Variants in MIER3 observed in about 807,000 individuals in gnomAD.
MIER3 encodes the protein MIER family member 3, also known as mesoderm induction early response protein 3.
In MIER3, 9 loss-of-function variants were observed where a neutral mutation model predicts 63.2. The observed-to-expected ratio is 0.14, with a 90% CI of 0.09 to 0.25. The LOEUF is 0.25. Among genes scored for constraint, MIER3 ranks in the 10% least tolerant of loss-of-function variants. The pLI is 1.00. For synonymous variants in MIER3, 205 were observed against 224.9 expected (o/e 0.91, Z 0.79); for missense variants, 512 against 666.2 (o/e 0.77, Z 2.55).
At position 56,923,585 on chromosome 5, in the gene MIER3, G is replaced by A. The variant is rs146260337; in HGVS notation, c.1196C>T (p.Ala399Val). ...LNSFTASDLT[A>V]LTNSVATVCD... ...GACGGTTGCTACACTGTTGGTCAAA[G>A]CTAAAAAGGAATGGAAAATTGTTTA... is the stretch of plus-strand genomic sequence containing the variant. The change falls in exon 13 of 13, where the codon GCT becomes GTT. Residue 399 changes from alanine (A) to valine (V), a missense_variant and splice_region_variant. Physicochemically the swap from Ala to Val is moderately conservative, Grantham distance 64 (BLOSUM62 0). This residue lies in a region of MIER3 where 218 missense variants were observed against 251.2 expected (regional missense o/e 0.87). Transcript: ENST00000381199. The A allele has an allele frequency of 5.8e-4, 936 of 1,611,800 alleles. 7 individuals carry two copies. The highest frequency in any genetic ancestry group is 1.2e-3 in the Middle Eastern group (7 of 6,048).
intron 3 of MIER3, among the ~76,000 whole-genome samples, chr5:56,944,298 C>T (rs946923430): frequency 6.6e-6 from 1 of 151,654 alleles, no homozygotes; most frequent in Non-Finnish European, 1.5e-5. Context: ...GGTGAAACCC[C>T]GTCTCTACTA....
At chr5:56,924,599 A>ACTTG (rs1749868132) in intron 10 of MIER3, among the ~76,000 whole-genome samples, 1 of 152,218 alleles carries the variant, frequency 6.6e-6, no homozygotes, top group Admixed American at 6.5e-5. Flanking sequence ...ATTTAAGATG[A>ACTTG]CTTGCTAGCT....
chr5:56,951,537 G>A (rs1751029982), intron 1 of MIER3, among the ~76,000 whole-genome samples: 1 of 152,130 alleles, frequency 6.6e-6, no homozygotes, highest in Admixed American at 6.5e-5. Flanking sequence ...GCTCTTCTGA[G>A]AAGCCCGGTG....
At chr5:56,941,643 C>T (rs1750650162) in intron 3 of MIER3, 1 of 152,194 alleles carries the variant, frequency 6.6e-6, no homozygotes, top group Admixed American at 6.5e-5. Flanking sequence ...CGCAAAGGGC[C>T]TCAGGGCCAG....
intron 3 of MIER3, among the ~76,000 whole-genome samples, chr5:56,942,480 G>T (rs892239683): frequency 6.6e-6 from 1 of 152,196 alleles, no homozygotes; most frequent in Admixed American, 6.5e-5. Flanking sequence ...TTTCTGGCCT[G>T]AGAAGTTAGG....
chr5:56,944,182 C>G (rs944748820), intron 3 of MIER3, among the ~76,000 whole-genome samples: 4 of 152,056 alleles, frequency 2.6e-5, no homozygotes, highest in Non-Finnish European at 5.9e-5. Flanking sequence ...GTTTAGAAGT[C>G]AACAGTAGGC....
intron 1 of MIER3, among the ~76,000 whole-genome samples, chr5:56,951,000 TC>T (rs1371295537): frequency 6.6e-6 from 1 of 151,328 alleles, no homozygotes; most frequent in Non-Finnish European, 1.5e-5. Context: ...ATCTCCGGAG[TC>T]CTCCAAATCC....
At chr5:56,946,041 G>T (rs10471995) in intron 3 of MIER3, among the ~76,000 whole-genome samples, 3,291 of 152,222 alleles carry the variant, frequency 0.022, 127 homozygotes, top group African/African-American at 0.076. Context: ...ACAGATCAGA[G>T]CAAGTGGGCA....
chr5:56,947,808 T>C (rs547803619), intron 2 of MIER3, among the ~76,000 whole-genome samples: 2 of 152,344 alleles, frequency 1.3e-5, no homozygotes, highest in South Asian at 4.1e-4. Flanking sequence ...GCAAGTTGTT[T>C]TGGATAATTC....
At chr5:56,933,164 A>C in intron 8 of MIER3, 83 bp downstream of exon 8, 1 of 1,353,166 alleles carries the variant, frequency 7.4e-7, no homozygotes, top group African/African-American at 1.5e-5. Flanking sequence ...TCTACCTCAC[A>C]TGTTAAAAAT....
chr5:56,950,072 C>A (rs1327518837), intron 2 of MIER3, among the ~76,000 whole-genome samples: 1 of 152,172 alleles, frequency 6.6e-6, no homozygotes, highest in African/African-American at 2.4e-5. Flanking sequence ...GACCTAAGAT[C>A]GTCTCAGCTC....
chr5:56,931,958 A>T (rs983810421), intron 8 of MIER3, among the ~76,000 whole-genome samples: 12 of 152,308 alleles, frequency 7.9e-5, no homozygotes, highest in African/African-American at 2.4e-4. Context: ...TACATTTTTT[A>T]AAAAATTGAT....
rs1173626206 is a variant in MIER3 at position 56,933,403 on chromosome 5, TA to T, written c.596-6del. 4.4e-6 allele frequency: 7 copies of T among 1,598,496 alleles called. No individual in the cohort carries two copies. The highest frequency in any genetic ancestry group is 2.7e-5 in the African/African-American group (2 of 73,996). On this transcript the variant is annotated splice_region_variant and splice_polypyrimidine_tract_variant and intron_variant, in intron 7 of 12. Coordinates refer to ENST00000381199, the MANE Select transcript of MIER3 (RefSeq NM_001297599.2). ...ACTGGTCTTCGTTTTCATATACTGA[TA>T]AAGAAAATCCCATTAACACATTAAA... is the stretch of plus-strand genomic sequence containing the variant.
At chr5:56,933,490 C>A (rs1009946036) in intron 7 of MIER3, 92 bp from the exon 8 acceptor site, 3 of 1,206,770 alleles carry the variant, frequency 2.5e-6, no homozygotes, top group East Asian at 2.7e-5. Flanking sequence ...ATTGGCTATC[C>A]AGTGGGACAA....
intron 3 of MIER3, chr5:56,940,956 A>C: frequency 2.0e-6 from 2 of 985,250 alleles, no homozygotes; most frequent in Non-Finnish European, 2.4e-6. Flanking sequence ...AGAACCTCAC[A>C]GTTTCACACT....
At chr5:56,943,239 G>C (rs1258307425) in intron 3 of MIER3, among the ~76,000 whole-genome samples, 2 of 151,878 alleles carry the variant, frequency 1.3e-5, no homozygotes, top group Non-Finnish European at 2.9e-5. Flanking sequence ...CTTGAGACTT[G>C]GCTACAAAAG....
At chr5:56,935,234 G>C (rs1315883683) in intron 7 of MIER3, among the ~76,000 whole-genome samples, 194 bp downstream of exon 7, 1 of 152,090 alleles carries the variant, frequency 6.6e-6, no homozygotes. Flanking sequence ...AGGGTTGGGG[G>C]TGGGGGGAAA....
At chr5:56,935,812 C>T in intron 5 of MIER3, 61 bp from the exon 6 acceptor site, 1 of 1,258,194 alleles carries the variant, frequency 7.9e-7, no homozygotes, top group Non-Finnish European at 1.2e-6. Context: ...TGGAAGAATG[C>T]CTGTTGTATT....
intron 4 of MIER3, among the ~76,000 whole-genome samples, chr5:56,937,945 G>A (rs1750509028): frequency 6.6e-6 from 1 of 151,794 alleles, no homozygotes; most frequent in South Asian, 2.1e-4. Context: ...TTGTGGGTAT[G>A]CAGAGAGCTT....
Sources: allele counts gnomAD v4.1 joint callset (sites outside exome capture counted in the v4.1 genomes callset), GRCh38; gene constraint gnomAD v4.1.1; regional missense constraint gnomAD v4.1.1; transcripts MANE v1.5; gene names NCBI Gene and HGNC (gene_info 2026-07-23, HGNC 2026-07-21).